DYNC2I1: variants seen among roughly 807,000 people sequenced by gnomAD.
The protein encoded by DYNC2I1 is dynein 2 intermediate chain 1.
DYNC2I1 carries 89 observed loss-of-function variants against 133.4 expected under a neutral mutation model. The ratio of observed to expected loss-of-function variants is 0.67; its 90% CI spans 0.56 to 0.80. The LOEUF (loss-of-function observed/expected upper bound fraction) is 0.80. Ranked by LOEUF, DYNC2I1 falls within the 30% of genes least tolerant of loss-of-function variation. The probability of loss-of-function intolerance (pLI) is 0.00; values close to 1 mark genes in which losing one functional copy is unlikely to be tolerated. For missense variants in DYNC2I1, 1,291 were observed against 1,314.5 expected, an observed-to-expected ratio of 0.98 and a Z score of 0.28; for synonymous variants, 504 against 484.3, an observed-to-expected ratio of 1.04 and a Z score of -0.54.
At chr7:158,841,629 GAT>G in the DYNC2I1 span, among the ~76,000 whole-genome samples, 1 of 152,178 alleles carries the variant, frequency 6.6e-6, no homozygotes. Flanking sequence ...AATATTATAA[GAT>G]AGAATGTAAC....
chr7:158,849,267 T>C, the DYNC2I1 span, among the ~76,000 whole-genome samples: 1 of 152,212 alleles, frequency 6.6e-6, no homozygotes, highest in Admixed American at 6.5e-5. Flanking sequence ...TTTTATGAAA[T>C]GTAGTTGTGA....
Position 158,934,421 on chromosome 7 carries a change from C to G in DYNC2I1, c.2650C>G (p.Leu884Val). Residue 884 changes from leucine to valine, a missense_variant, in exon 23 of 25, where the codon CTC (leucine) becomes GTC (valine). Physicochemically the swap from Leu to Val is conservative, Grantham distance 32 (BLOSUM62 1). Coordinates refer to ENST00000407559, the MANE Select transcript of DYNC2I1 (RefSeq NM_018051.5). ...NHFIIGTDMG[L>V]ISHGTRQDLR... The stretch of plus-strand genomic sequence containing the variant: ...CTCTTGGGCTTCTTCTTCACAGGGT[C>G]TCATAAGCCATGGCACAAGACAAGA... 6.2e-7 allele frequency: 1 copy of G among 1,604,702 alleles called. No homozygotes were observed.
intron 23 of DYNC2I1, among the ~76,000 whole-genome samples, chr7:158,939,923 G>A (rs1273865809): frequency 1.3e-5 from 2 of 152,134 alleles, no homozygotes; most frequent in Non-Finnish European, 2.9e-5. Context: ...TGATACAGGG[G>A]TCAATTCAGC....
chr7:158,928,487 G>T (rs1849848342), intron 20 of DYNC2I1, among the ~76,000 whole-genome samples: 1 of 152,244 alleles, frequency 6.6e-6, no homozygotes, highest in African/African-American at 2.4e-5. Context: ...TCACACGTCT[G>T]TGGTGGCCCT....
At chr7:158,924,004 T>C (rs1382427071) in intron 17 of DYNC2I1, among the ~76,000 whole-genome samples, 1 of 152,198 alleles carries the variant, frequency 6.6e-6, no homozygotes, top group Non-Finnish European at 1.5e-5. Context: ...AGTTTTAAAG[T>C]AGCTTGAGGC....
chr7:158,929,326 A>G (rs1172933082), intron 20 of DYNC2I1, among the ~76,000 whole-genome samples: 3 of 152,164 alleles, frequency 2.0e-5, no homozygotes, highest in African/African-American at 7.2e-5. Flanking sequence ...CTGGGCGAAG[A>G]CCCCAGCCCG....
upstream of DYNC2I1, among the ~76,000 whole-genome samples, chr7:158,854,827 A>G (rs1392991341): frequency 6.6e-6 from 1 of 152,210 alleles, no homozygotes; most frequent in Non-Finnish European, 1.5e-5. Context: ...GTAGTTTCAG[A>G]CTTAAGTTGC....
the DYNC2I1 span, among the ~76,000 whole-genome samples, chr7:158,841,986 G>A: frequency 6.6e-6 from 1 of 152,160 alleles, no homozygotes; most frequent in Non-Finnish European, 1.5e-5. Flanking sequence ...GGGCATCCAC[G>A]TCGTGTGTGA....
chr7:158,936,744 A>G (rs1850795583), intron 23 of DYNC2I1, among the ~76,000 whole-genome samples: 1 of 152,190 alleles, frequency 6.6e-6, no homozygotes, highest in Non-Finnish European at 1.5e-5. Context: ...GGTCTTCTGA[A>G]CACAAACCCT....
the DYNC2I1 span, among the ~76,000 whole-genome samples, chr7:158,839,670 A>G: frequency 6.6e-6 from 1 of 152,186 alleles, no homozygotes; most frequent in East Asian, 1.9e-4. Context: ...ATACAAAAAA[A>G]TTAGCAGGGC....
At chr7:158,911,828 C>A in intron 12 of DYNC2I1, 149 bp downstream of exon 12, 6 of 1,088,696 alleles carry the variant, frequency 5.5e-6, no homozygotes, top group Non-Finnish European at 7.6e-6. Flanking sequence ...GACCCATCTT[C>A]ACATGGGGCC....
chr7:158,916,553 C>T (rs1848328330), intron 14 of DYNC2I1, among the ~76,000 whole-genome samples: 2 of 53,586 alleles, frequency 3.7e-5, no homozygotes, highest in Non-Finnish European at 8.5e-5. Context: ...GATTGTGAAA[C>T]GTCGACACGC....
intron 15 of DYNC2I1, among the ~76,000 whole-genome samples, chr7:158,921,647 G>A (rs1012778743): frequency 1.3e-5 from 2 of 152,172 alleles, no homozygotes; most frequent in South Asian, 4.1e-4. Flanking sequence ...TGTGACCCAA[G>A]CATGGATGGT....
At chr7:158,926,642 G>A (rs1585198338) in intron 19 of DYNC2I1, among the ~76,000 whole-genome samples, 179 bp downstream of exon 19, 1 of 152,210 alleles carries the variant, frequency 6.6e-6, no homozygotes, top group East Asian at 1.9e-4. Flanking sequence ...GCAGGTTTGG[G>A]GCCCTTTCGT....
chr7:158,956,213 T>C (rs1852194544), intron 4 of DYNC2I1, among the ~76,000 whole-genome samples: 1 of 152,232 alleles, frequency 6.6e-6, no homozygotes, highest in Non-Finnish European at 1.5e-5. Context: ...TGGCTGCGGC[T>C]GTAGGATCCA....
At chr7:158,872,778 C>T (rs963623481) in intron 3 of DYNC2I1, among the ~76,000 whole-genome samples, 1 of 152,090 alleles carries the variant, frequency 6.6e-6, no homozygotes, top group African/African-American at 2.4e-5. Flanking sequence ...GGGCAGATCA[C>T]TTGAGGCCAG....
At position 158,922,566 on chromosome 7, in the gene DYNC2I1, G is replaced by C; in HGVS notation, c.2094+17G>C. 1.2e-6 allele frequency: 2 copies of C among 1,611,068 alleles called. No homozygotes were observed. The highest frequency in any genetic ancestry group is 1.7e-4 in the Middle Eastern group (1 of 5,994). On this transcript the variant is annotated intron_variant, in intron 16 of 24. Transcript: ENST00000407559. Reference sequence around the variant, plus strand: ...GAGTCCCAGGTACAGCTCAGGATGAGAGTCGCACGTTTGATGGGAGGATGG... The same window carrying C: ...GAGTCCCAGGTACAGCTCAGGATGACAGTCGCACGTTTGATGGGAGGATGG...
At chr7:158,849,045 A>G in the DYNC2I1 span, among the ~76,000 whole-genome samples, 1 of 152,214 alleles carries the variant, frequency 6.6e-6, no homozygotes, top group African/African-American at 2.4e-5. Flanking sequence ...TCAAAAGGCA[A>G]AGGTTATAAT....
the DYNC2I1 span, among the ~76,000 whole-genome samples, chr7:158,842,570 T>A: frequency 6.6e-6 from 1 of 152,276 alleles, no homozygotes; most frequent in East Asian, 1.9e-4. Context: ...CCGCACTGAG[T>A]TTGGTGCCTT....
Sources: gnomAD v4.1 joint callset for allele counts (sites outside exome capture counted in the v4.1 genomes callset) on GRCh38, gnomAD v4.1.1 for gene constraint, MANE v1.5 for transcripts, NCBI Gene and HGNC (gene_info 2026-07-23, HGNC 2026-07-21) for gene names.